The following PDGFD variants were observed in gnomAD, a reference collection of about 807,000 sequenced individuals.
PDGFD encodes platelet-derived growth factor D.
In PDGFD, 30 loss-of-function variants were observed where a neutral mutation model predicts 44.7. That is an observed-to-expected ratio of 0.67 (90% CI 0.50 to 0.91). The LOEUF is 0.91. Ranked by LOEUF, PDGFD falls within the 40% of genes least tolerant of loss-of-function variation. The pLI is 0.00. For missense variants in PDGFD, 445 were observed against 457.8 expected (o/e 0.97, Z 0.25); for synonymous variants, 173 against 168.4 (o/e 1.03, Z -0.21).
intron 1 of PDGFD, among the ~76,000 whole-genome samples, chr11:104,132,315 C>T (rs1206293539): frequency 6.6e-6 from 1 of 152,084 alleles, no homozygotes; most frequent in Non-Finnish European, 1.5e-5. Context: ...ACAGCCTTGA[C>T]ATGTGCATAC....
chr11:104,099,895 A>C (rs2134444000), intron 1 of PDGFD, among the ~76,000 whole-genome samples: 1 of 152,176 alleles, frequency 6.6e-6, no homozygotes, highest in Non-Finnish European at 1.5e-5. Context: ...TGCATTTTTA[A>C]GAATAACACG....
rs562122166 is a variant in PDGFD at position 104,063,319 on chromosome 11, T to A, written c.125-63064A>T. 6.8e-3 allele frequency among the ~76,000 whole-genome samples: 1,034 copies of A among 151,144 alleles called. 7 individuals carry two copies. The highest frequency in any genetic ancestry group is 0.023 in the African/African-American group (936 of 41,106). The stretch of plus-strand genomic sequence containing the variant: ...ATGCTGTTTTAGACGTGTGTGTGTG[T>A]GAGAGAGAGAGGAGAGAGAGAGAGA... On this transcript the variant is annotated intron_variant, in intron 1 of 6. Coordinates refer to ENST00000393158, the MANE Select transcript of PDGFD (RefSeq NM_025208.5).
intron 3 of PDGFD, among the ~76,000 whole-genome samples, chr11:103,993,186 G>C (rs373649876): frequency 2.0e-5 from 3 of 152,080 alleles, no homozygotes; most frequent in South Asian, 4.1e-4. Context: ...TCCAGCTTCA[G>C]CCTCTGGAGT....
intron 1 of PDGFD, among the ~76,000 whole-genome samples, chr11:104,024,888 G>A (rs775040108): frequency 6.6e-6 from 1 of 152,188 alleles, no homozygotes; most frequent in Non-Finnish European, 1.5e-5. Flanking sequence ...GTTGTGGGAA[G>A]AATATGAAGC....
intron 1 of PDGFD, among the ~76,000 whole-genome samples, chr11:104,106,173 C>T (rs1364645092): frequency 6.6e-6 from 1 of 152,090 alleles, no homozygotes; most frequent in Admixed American, 6.6e-5. Context: ...AATTAATAAA[C>T]TATGTAATCT....
At chr11:103,915,306 GACAA>G (rs1858103288) in intron 6 of PDGFD, among the ~76,000 whole-genome samples, 1 of 152,174 alleles carries the variant, frequency 6.6e-6, no homozygotes, top group East Asian at 1.9e-4. Context: ...GCCAATAATA[GACAA>G]ACAGAGAGCC....
At chr11:103,945,946 T>C (rs1342703489) in intron 4 of PDGFD, 4 of 152,218 alleles carry the variant, frequency 2.6e-5, no homozygotes, top group African/African-American at 9.6e-5. Flanking sequence ...AGGAAATATT[T>C]ATGAATGATG....
intron 1 of PDGFD, among the ~76,000 whole-genome samples, chr11:104,002,044 A>C (rs1012412800): frequency 1.4e-4 from 22 of 152,188 alleles, no homozygotes; most frequent in Middle Eastern, 6.8e-3. Flanking sequence ...GGATGTCCCC[A>C]CTCCCTGCCT....
chr11:104,154,312 T>C (rs1862278744), intron 1 of PDGFD, among the ~76,000 whole-genome samples: 1 of 152,168 alleles, frequency 6.6e-6, no homozygotes. Context: ...TCAAATAACC[T>C]AAAACGTGTC....
chr11:103,950,975 AC>A (rs1243142062), intron 3 of PDGFD, among the ~76,000 whole-genome samples: 1 of 152,116 alleles, frequency 6.6e-6, no homozygotes, highest in Admixed American at 6.5e-5. Flanking sequence ...GCAGAAAGGG[AC>A]TTTGGTGCAC....
chr11:104,050,217 T>C (rs34103966), intron 1 of PDGFD, among the ~76,000 whole-genome samples: 39,347 of 151,894 alleles, frequency 0.26, 5,523 homozygotes, highest in East Asian at 0.34. Context: ...TTACTTGTAA[T>C]AGGAAGGAAG....
intron 1 of PDGFD, among the ~76,000 whole-genome samples, chr11:104,080,641 T>C (rs1320290707): frequency 1.3e-5 from 2 of 152,250 alleles, no homozygotes; most frequent in Non-Finnish European, 2.9e-5. Flanking sequence ...GCCGCCATCA[T>C]GATCCTTGCT....
At chr11:104,070,197 A>T in intron 1 of PDGFD, among the ~76,000 whole-genome samples, 1 of 152,156 alleles carries the variant, frequency 6.6e-6, no homozygotes, top group Non-Finnish European at 1.5e-5. Flanking sequence ...TGGTCATTTT[A>T]TCAGAGAACG....
chr11:104,082,763 C>G (rs1222918207), intron 1 of PDGFD, among the ~76,000 whole-genome samples: 3 of 152,072 alleles, frequency 2.0e-5, no homozygotes, highest in South Asian at 2.1e-4. Flanking sequence ...TCCCAAGTAG[C>G]TAGGGCTACA....
intron 4 of PDGFD, 61 bp downstream of exon 4, chr11:103,947,595 CTTTTGG>C: frequency 1.6e-6 from 2 of 1,269,990 alleles, no homozygotes; most frequent in Non-Finnish European, 2.3e-6. Context: ...AGGTGAAGTC[CTTTTGG>C]GGTTGACCTT....
intron 1 of PDGFD, among the ~76,000 whole-genome samples, chr11:104,099,067 T>C (rs1861329587): frequency 6.6e-6 from 1 of 152,156 alleles, no homozygotes; most frequent in South Asian, 2.1e-4. Context: ...CCAGTTCTCA[T>C]GATAACACTA....
rs1859899779 is a variant in PDGFD at position 104,018,657 on chromosome 11, G to C, written c.125-18402C>G. On this transcript the variant is annotated intron_variant, in intron 1 of 6. Transcript: ENST00000393158. ...CCAGATGGCCCTTTTCTTCAGGGAG[G>C]AGCCCTGGCCAGCAAGGTTTGCACC... Among the ~76,000 whole-genome samples, 3 of 152,154 alleles carry C rather than the reference G, an allele frequency of 2.0e-5. No homozygotes were observed. The South Asian group carries it at 6.2e-4, about 32-fold the overall frequency.
chr11:104,163,132 G>A (rs1862413313), intron 1 of PDGFD, among the ~76,000 whole-genome samples: 1 of 152,138 alleles, frequency 6.6e-6, no homozygotes, highest in Non-Finnish European at 1.5e-5. Context: ...AAGGAAACTA[G>A]CAGCAGAAGC....
At chr11:104,003,377 T>C (rs1859649105) in intron 1 of PDGFD, among the ~76,000 whole-genome samples, 1 of 152,142 alleles carries the variant, frequency 6.6e-6, no homozygotes, top group African/African-American at 2.4e-5. Context: ...CTGGTGTGGG[T>C]GAATAGTTTG....
Sources: allele counts gnomAD v4.1 joint callset (sites outside exome capture counted in the v4.1 genomes callset), GRCh38; gene constraint gnomAD v4.1.1; transcripts MANE v1.5; gene names NCBI Gene and HGNC (gene_info 2026-07-23, HGNC 2026-07-21).